Variants in UTRN observed in about 807,000 individuals in gnomAD.
The protein encoded by UTRN is dystrophin-related protein 1.
In UTRN, 283 loss-of-function variants were observed where a neutral mutation model predicts 463.9. The ratio of observed to expected loss-of-function variants is 0.61; its 90% CI spans 0.55 to 0.67. The LOEUF is 0.67. Among genes scored for constraint, UTRN ranks in the 30% least tolerant of loss-of-function variants. UTRN has a pLI of 0.00. For synonymous variants in UTRN, 1,442 were observed against 1,431.5 expected, an observed-to-expected ratio of 1.01 and a Z score of -0.17; for missense variants, 3,922 against 4,084.3, an observed-to-expected ratio of 0.96 and a Z score of 1.08.
intron 51 of UTRN, among the ~76,000 whole-genome samples, chr6:144,641,015 G>A (rs922219312): frequency 6.6e-6 from 1 of 151,968 alleles, no homozygotes; most frequent in Non-Finnish European, 1.5e-5. Flanking sequence ...TGTATCTTAG[G>A]GTTCCTAACT....
intron 51 of UTRN, among the ~76,000 whole-genome samples, chr6:144,597,115 G>A (rs1803733051): frequency 6.6e-6 from 1 of 152,076 alleles, no homozygotes; most frequent in South Asian, 2.1e-4. Flanking sequence ...GCACATGCCT[G>A]TAGTCCCAGC....
chr6:144,748,169 T>C, intron 54 of UTRN, 77 bp from the exon 55 acceptor site: 1 of 1,489,522 alleles, frequency 6.7e-7, no homozygotes, highest in Non-Finnish European at 8.9e-7. Context: ...TCAGTAACGA[T>C]GGTAACACTC....
At position 144,703,373 on chromosome 6, in the gene UTRN, G is replaced by C. The variant is rs79435179; in HGVS notation, c.7809+3130G>C. ...AGTTAGAAGAAAGATCAGGATTAGA[G>C]ATGAGTTAGAAGAAAGATCAGGATT... On this transcript the variant is annotated intron_variant, in intron 53 of 74. Coordinates refer to ENST00000367545, the MANE Select transcript of UTRN (RefSeq NM_007124.3). Among the ~76,000 whole-genome samples, 37 of 152,302 alleles carry C rather than the reference G, an allele frequency of 2.4e-4. 1 individual carries two copies. The East Asian group carries it at 7.1e-3, about 29-fold the overall frequency.
At position 144,323,665 on chromosome 6, in the gene UTRN, TTC is replaced by T. The variant is rs1584280225; in HGVS notation, c.79+31764_79+31765del. On this transcript the variant is annotated intron_variant, in intron 2 of 74. Transcript: ENST00000367545. The stretch of plus-strand genomic sequence containing the variant: ...AAAATTTCTCTCTTTCTCTTCCTTG[TTC>T]TCTCTTTCTCTTGCTTGTTTTTTTG... 3.3e-5 allele frequency among the ~76,000 whole-genome samples: 5 copies of T among 152,348 alleles called. No individual in the cohort carries two copies. In the East Asian group the frequency reaches 9.6e-4, roughly 29 times the overall value.
chr6:144,486,609 C>A (rs1792475818), intron 28 of UTRN, among the ~76,000 whole-genome samples: 1 of 152,176 alleles, frequency 6.6e-6, no homozygotes, highest in African/African-American at 2.4e-5. Flanking sequence ...GCAACCTCCA[C>A]CTCCTGAGTT....
intron 39 of UTRN, among the ~76,000 whole-genome samples, chr6:144,518,904 G>A (rs1795852838): frequency 7.1e-6 from 1 of 139,928 alleles, no homozygotes; most frequent in African/African-American, 3.2e-5. Context: ...AATTACTGTG[G>A]GGGAGCTTTA....
intron 49 of UTRN, among the ~76,000 whole-genome samples, chr6:144,555,859 C>T (rs1488340268): frequency 2.0e-5 from 3 of 152,178 alleles, no homozygotes; most frequent in African/African-American, 4.8e-5. Flanking sequence ...CTTACTTACC[C>T]TGAAGGTTAT....
Position 144,546,105 on chromosome 6 carries a change from C to T in UTRN, c.6596-2535C>T, listed in dbSNP as rs1798379797. ...TAAAACAATGAATTTTTTTTATCTA[C>T]AAAAAAAGTTAAAGTGAAGATGGGG... On this transcript the variant is annotated intron_variant, in intron 46 of 74. Coordinates refer to ENST00000367545, the MANE Select transcript of UTRN (RefSeq NM_007124.3). 2.0e-5 allele frequency among the ~76,000 whole-genome samples: 3 copies of T among 151,936 alleles called. No homozygotes were observed. The South Asian group carries it at 6.2e-4, about 32-fold the overall frequency.
At chr6:144,302,862 T>C (rs1458868117) in intron 2 of UTRN, among the ~76,000 whole-genome samples, 1 of 152,100 alleles carries the variant, frequency 6.6e-6, no homozygotes, top group Non-Finnish European at 1.5e-5. Context: ...ACATTGCAGA[T>C]GATGAGAAAA....
At chr6:144,590,875 C>CAT (rs60551052) in intron 51 of UTRN, among the ~76,000 whole-genome samples, 1 of 118,888 alleles carries the variant, frequency 8.4e-6, no homozygotes, top group African/African-American at 4.2e-5. Flanking sequence ...CACACACACA[C>CAT]GCACATGCAC....
chr6:144,342,040 A>C (rs1045516603), intron 2 of UTRN, among the ~76,000 whole-genome samples: 3 of 152,218 alleles, frequency 2.0e-5, no homozygotes, highest in African/African-American at 7.2e-5. Context: ...TGTATTTTGA[A>C]TATTTAGTCC....
Position 144,440,358 on chromosome 6 carries a change from C to A in UTRN, c.1399C>A (p.Gln467Lys). The A allele has an allele frequency of 6.2e-7, 1 of 1,613,966 alleles. No individual in the cohort carries two copies. ...QKLLEEHKSL[Q>K]SDLEAEQVKV... ...TCTTAATTTTTTTCTCTAGAGTTTG[C>A]AAAGTGATCTTGAGGCTGAACAGGT... The change falls in exon 13 of 75, where the codon CAA becomes AAA. Residue 467 changes from glutamine (Q) to lysine (K), a missense_variant. By Grantham distance (53) the Gln-to-Lys change is moderately conservative. Transcript: ENST00000367545.
intron 2 of UTRN, among the ~76,000 whole-genome samples, chr6:144,384,508 C>T (rs1323614715): frequency 6.6e-6 from 1 of 152,140 alleles, no homozygotes; most frequent in Non-Finnish European, 1.5e-5. Context: ...GAAAAATTGT[C>T]TTTCACAAAA....
intron 74 of UTRN, among the ~76,000 whole-genome samples, chr6:144,847,640 G>T (rs1306126118): frequency 6.6e-6 from 1 of 152,108 alleles, no homozygotes; most frequent in African/African-American, 2.4e-5. Flanking sequence ...CCTTTGTCCT[G>T]TAAAGATAAG....
chr6:144,416,018 A>T (rs1784331467), intron 3 of UTRN, among the ~76,000 whole-genome samples: 1 of 151,838 alleles, frequency 6.6e-6, no homozygotes, highest in Non-Finnish European at 1.5e-5. Context: ...TTTGCAATTA[A>T]TCATATTCTG....
chr6:144,561,701 C>T (rs761698037), intron 50 of UTRN, among the ~76,000 whole-genome samples: 12 of 152,046 alleles, frequency 7.9e-5, no homozygotes, highest in Non-Finnish European at 1.2e-4. Context: ...TTCAACTCAC[C>T]GAGTCACCAT....
In UTRN at chr6:144,490,100, G is replaced by A. The variant is rs377669487; in HGVS notation, c.4164G>A (p.Glu1388=). ...TCCAAGCAGAGATCTCAGCCCATGAGCTAACCCTAGAGGAGTTGAGAAGAA... is the reference window on the plus strand; with the variant it reads ...TCCAAGCAGAGATCTCAGCCCATGAACTAACCCTAGAGGAGTTGAGAAGAA... ...QKIQAEISAH[E]LTLEELRRNM... Residue 1388 remains glutamate (E), a synonymous_variant, in exon 31 of 75, where the codon GAG becomes GAA. Transcript: ENST00000367545. The A allele has an allele frequency of 1.1e-5, 17 of 1,613,124 alleles. No individual in the cohort carries two copies. Among genetic ancestry groups the A allele is most frequent in the Non-Finnish European group, 1.4e-5 (17 of 1,179,668 alleles).
At chr6:144,740,664 T>G (rs962323623) in intron 54 of UTRN, among the ~76,000 whole-genome samples, 1 of 152,246 alleles carries the variant, frequency 6.6e-6, no homozygotes, top group Non-Finnish European at 1.5e-5. Context: ...AATATCTGTA[T>G]GAATATAATG....
At chr6:144,517,192 G>T (rs949061345) in intron 39 of UTRN, among the ~76,000 whole-genome samples, 5 of 151,866 alleles carry the variant, frequency 3.3e-5, no homozygotes, top group African/African-American at 4.8e-5. Flanking sequence ...ACCTAAAAGA[G>T]ATCTATCTAT....
Sources: allele counts gnomAD v4.1 joint callset (sites outside exome capture counted in the v4.1 genomes callset), GRCh38; gene constraint gnomAD v4.1.1; transcripts MANE v1.5; gene names NCBI Gene and HGNC (gene_info 2026-07-23, HGNC 2026-07-21).